BMP2K: variants seen among roughly 807,000 people sequenced by gnomAD.
BMP2K encodes BMP-2-inducible protein kinase.
Under a neutral mutation model 116.0 loss-of-function variants are expected in BMP2K, and 74 were observed. The observed-to-expected ratio is 0.64, with a 90% confidence interval of 0.53 to 0.77. BMP2K has a LOEUF of 0.77. Among genes scored for constraint, BMP2K ranks in the 30% least tolerant of loss-of-function variants. The pLI, the probability that BMP2K is intolerant of heterozygous loss-of-function variation, is 0.00. For missense variants in BMP2K, 1,365 were observed against 1,403.6 expected, an observed-to-expected ratio of 0.97 and a Z score of 0.44; for synonymous variants, 486 against 502.5, an observed-to-expected ratio of 0.97 and a Z score of 0.44.
At chr4:78,880,316 C>T (rs1732835021) in intron 14 of BMP2K, among the ~76,000 whole-genome samples, 2 of 152,192 alleles carry the variant, frequency 1.3e-5, no homozygotes, top group Non-Finnish European at 2.9e-5. Context: ...AGGTGATCCA[C>T]CCACCTCGGC....
At chr4:78,847,160 C>G in intron 5 of BMP2K, 28 bp from the exon 6 acceptor site, 1 of 1,249,720 alleles carries the variant, frequency 8.0e-7, no homozygotes, top group Non-Finnish European at 1.1e-6. Flanking sequence ...ATATATATCT[C>G]CACTCCATTT....
chr4:78,891,716 TTC>T (rs1733450191), intron 15 of BMP2K, among the ~76,000 whole-genome samples: 1 of 152,224 alleles, frequency 6.6e-6, no homozygotes, highest in Non-Finnish European at 1.5e-5. Flanking sequence ...ACACCTTTTC[TTC>T]TCTTTTCTTT....
intron 1 of BMP2K, among the ~76,000 whole-genome samples, chr4:78,800,405 G>A (rs1728510838): frequency 6.6e-6 from 1 of 152,112 alleles, no homozygotes; most frequent in African/African-American, 2.4e-5. Flanking sequence ...AGCCCATATG[G>A]CACACTCTCT....
At position 78,910,660 on chromosome 4, in the gene BMP2K, A is replaced by G; in HGVS notation, c.2113A>G (p.Thr705Ala). 1.3e-6 allele frequency: 2 copies of G among 1,569,456 alleles called. No homozygotes were observed. Among genetic ancestry groups the G allele is most frequent in the Non-Finnish European group, 1.7e-6 (2 of 1,165,760 alleles). Residue 705 changes from threonine (T) to alanine (A), a missense_variant, in exon 16 of 16, where the codon ACT (threonine) becomes GCT (alanine). Physicochemically the swap from Thr to Ala is moderately conservative, Grantham distance 58. Transcript: ENST00000502613. The part of the protein sequence containing the change: ...EHSSINQENG[T>A]ANPIKNGKTS... ...TTCATCTATAAATCAAGAAAATGGC[A>G]CTGCAAACCCTATCAAGAACGGTAA...
chr4:78,788,598 C>A (rs2109928713), intron 1 of BMP2K, among the ~76,000 whole-genome samples: 2 of 151,978 alleles, frequency 1.3e-5, no homozygotes, highest in South Asian at 4.2e-4. Context: ...AAAATTGGTA[C>A]TTGTTTTTAT....
At chr4:78,830,469 C>G (rs1360852391) in intron 2 of BMP2K, among the ~76,000 whole-genome samples, 1 of 152,164 alleles carries the variant, frequency 6.6e-6, no homozygotes, top group East Asian at 1.9e-4. Context: ...AGCATTTGCC[C>G]TTAACAAGAG....
intron 3 of BMP2K, among the ~76,000 whole-genome samples, chr4:78,835,627 C>CAA (rs561192085): frequency 2.0e-4 from 14 of 69,424 alleles, no homozygotes; most frequent in Admixed American, 5.3e-4. Flanking sequence ...GACTCCGTGT[C>CAA]AAAAAAAAAA....
At chr4:78,791,814 A>T (rs61634138) in intron 1 of BMP2K, among the ~76,000 whole-genome samples, 2 of 151,788 alleles carry the variant, frequency 1.3e-5, no homozygotes, top group East Asian at 3.9e-4. Context: ...ATAATACTCA[A>T]TTGTATGTAT....
At chr4:78,885,692 C>G (rs1733042752) in intron 14 of BMP2K, among the ~76,000 whole-genome samples, 1 of 152,152 alleles carries the variant, frequency 6.6e-6, no homozygotes, top group African/African-American at 2.4e-5. Context: ...TGGATTTTTT[C>G]AAATGGCTGT....
At chr4:78,859,867 A>G (rs770359083) in intron 8 of BMP2K, among the ~76,000 whole-genome samples, 180 bp downstream of exon 8, 8 of 151,786 alleles carry the variant, frequency 5.3e-5, no homozygotes, top group Non-Finnish European at 1.0e-4. Flanking sequence ...TACCCAAACT[A>G]TGCACTGAGA....
chr4:78,843,536 TA>T (rs1730859119), intron 4 of BMP2K, among the ~76,000 whole-genome samples: 4 of 151,924 alleles, frequency 2.6e-5, no homozygotes, highest in Admixed American at 2.6e-4. Flanking sequence ...TCTGACTGAT[TA>T]TACAGAATTT....
Position 78,858,724 on chromosome 4 carries a change from ATTC to A in BMP2K, c.884-857_884-855del, listed in dbSNP as rs553515652. 1.5e-3 allele frequency among the ~76,000 whole-genome samples: 235 copies of A among 152,034 alleles called. 2 individuals are homozygous for A. The highest frequency in any genetic ancestry group is 5.5e-3 in the African/African-American group (228 of 41,550). ...TTATTAGCAAACTTAAGAATATCTA[ATTC>A]TTTAAATTTTACATTTTAAGTAGTT... On this transcript the variant is annotated intron_variant, in intron 7 of 15. Transcript: ENST00000502613.
intron 15 of BMP2K, among the ~76,000 whole-genome samples, chr4:78,903,038 T>C (rs1298799322): frequency 6.6e-6 from 1 of 152,036 alleles, no homozygotes; most frequent in African/African-American, 2.4e-5. Context: ...AACTTTTGAG[T>C]TTAGAATCCT....
Position 78,911,351 on chromosome 4 carries a change from C to T in BMP2K, c.2804C>T (p.Thr935Ile). 2 of 1,613,872 alleles carry T rather than the reference C, an allele frequency of 1.2e-6. No individual in the cohort carries two copies. Among genetic ancestry groups the T allele is most frequent in the Non-Finnish European group, 1.7e-6 (2 of 1,179,838 alleles). Residue 935 changes from threonine (T) to isoleucine (I), a missense_variant, in exon 16 of 16, where the codon ACT becomes ATT. By Grantham distance (89) the Thr-to-Ile change is moderately conservative. This residue lies in a region of BMP2K where 596 missense variants were observed against 623.2 expected (regional missense o/e 0.96). Transcript: ENST00000502613. ...AAAAGTGTAGATGTATTTGGCTCCA[C>T]TCCATTTCAGCCCTTCCTCACATCA... ...YPKSVDVFGSTPFQPFLTSTS... is the reference protein window; with the variant it reads ...YPKSVDVFGSIPFQPFLTSTS...
chr4:78,882,024 A>G (rs17003478), intron 14 of BMP2K, among the ~76,000 whole-genome samples: 9,019 of 152,102 alleles, frequency 0.059, 382 homozygotes, highest in East Asian at 0.22. Context: ...TATGGTCCTT[A>G]AAAGTATAGG....
intron 6 of BMP2K, among the ~76,000 whole-genome samples, chr4:78,850,351 C>G (rs2110032328): frequency 6.6e-6 from 1 of 151,820 alleles, no homozygotes; most frequent in South Asian, 2.1e-4. Context: ...ATATAGATTA[C>G]CCAGGTTACA....
In BMP2K at chr4:78,911,498, G is replaced by A. The variant is rs754612839; in HGVS notation, c.2951G>A (p.Arg984His). The change falls in exon 16 of 16, where the codon CGC becomes CAC. Residue 984 changes from arginine (R) to histidine (H), a missense_variant. This residue lies in a region of BMP2K where 596 missense variants were observed against 623.2 expected (regional missense o/e 0.96). Coordinates refer to ENST00000502613, the MANE Select transcript of BMP2K (RefSeq NM_198892.2). ...SLQKLSSRQR[R>H]TKQDMSKSNG... ...CAGAAACTGTCCTCTCGCCAAAGGCGCACAAAGCAGGATATGTCCAAAAGT... is the reference window on the plus strand; with the variant it reads ...CAGAAACTGTCCTCTCGCCAAAGGCACACAAAGCAGGATATGTCCAAAAGT... The A allele has an allele frequency of 1.9e-5, 31 of 1,613,896 alleles. No individual in the cohort carries two copies. The African/African-American group carries it at 3.7e-4, about 19-fold the overall frequency.
At position 78,911,318 on chromosome 4, in the gene BMP2K, G is replaced by C. The variant is rs1734584493; in HGVS notation, c.2771G>C (p.Gly924Ala). Reference sequence around the variant, plus strand: ...GGGCCTGAGGCACATACTATCCCTGGTTATCCCAAAAGTGTAGATGTATTT... The same window carrying C: ...GGGCCTGAGGCACATACTATCCCTGCTTATCCCAAAAGTGTAGATGTATTT... Reference protein sequence around the residue: ...AVGPEAHTIPGYPKSVDVFGS... With the variant: ...AVGPEAHTIPAYPKSVDVFGS... Residue 924 changes from glycine (G) to alanine (A), a missense_variant, in exon 16 of 16, where the codon GGT (glycine) becomes GCT (alanine). Around this residue, in one of 3 missense-constraint regions of BMP2K, gnomAD observed 596 missense variants for 623.2 expected, o/e 0.96. Coordinates refer to ENST00000502613, the MANE Select transcript of BMP2K (RefSeq NM_198892.2). The C allele has an allele frequency of 6.2e-7, 1 of 1,613,876 alleles. No homozygotes were observed. The highest frequency in any genetic ancestry group is 1.3e-5 in the African/African-American group (1 of 75,042).
chr4:78,857,016 T>TA (rs1731538006), intron 7 of BMP2K, among the ~76,000 whole-genome samples: 1 of 152,128 alleles, frequency 6.6e-6, no homozygotes, highest in Non-Finnish European at 1.5e-5. Context: ...ATCGTGGCAC[T>TA]ACACTAGCAC....
Sources: allele counts gnomAD v4.1 joint callset (sites outside exome capture counted in the v4.1 genomes callset), GRCh38; gene constraint gnomAD v4.1.1; regional missense constraint gnomAD v4.1.1; transcripts MANE v1.5; gene names NCBI Gene and HGNC (gene_info 2026-07-23, HGNC 2026-07-21).